The following FAM193A variants were observed in gnomAD, a reference collection of about 807,000 sequenced individuals.
FAM193A encodes the protein family with sequence similarity 193 member A.
Under a neutral mutation model 126.5 loss-of-function variants are expected in FAM193A, and 22 were observed. That is an observed-to-expected ratio of 0.17 (90% CI 0.12 to 0.25). The LOEUF (loss-of-function observed/expected upper bound fraction) is 0.25. FAM193A is among the 10% of genes least tolerant of loss of function. The pLI is 1.00. For missense variants in FAM193A, 1,675 were observed against 1,672.8 expected (o/e 1.00, Z -0.02); for synonymous variants, 761 against 646.8 (o/e 1.18, Z -2.68).
At chr4:2,613,234 T>C (rs1475830893) in intron 2 of FAM193A, among the ~76,000 whole-genome samples, 3 of 152,262 alleles carry the variant, frequency 2.0e-5, no homozygotes, top group Non-Finnish European at 2.9e-5. Flanking sequence ...GCCAGGAGTT[T>C]AAGACCAGTT....
At chr4:2,613,459 C>CT (rs1330182508) in intron 2 of FAM193A, among the ~76,000 whole-genome samples, 4,014 of 101,530 alleles carry the variant, frequency 0.04, 194 homozygotes, top group African/African-American at 0.13. Context: ...TGGTAGGTTT[C>CT]TTTTTTTTTT....
At position 2,596,200 on chromosome 4, in the gene FAM193A, T is replaced by G; in HGVS notation, c.372T>G (p.Thr124=). The change falls in exon 2 of 21, where the codon ACT becomes ACG. Residue 124 remains threonine, a synonymous_variant. Coordinates refer to ENST00000637812, the MANE Select transcript of FAM193A (RefSeq NM_001366318.2). ...DSSFLESGIK[T]ASKLALSMAP... is the part of the protein sequence containing the mutation. ...CATTCTTAGAGAGTGGAATTAAGAC[T>G]GCGAGCAAATTGGCCCTTTCCATGG... The G allele has an allele frequency of 1.4e-6, 1 of 703,008 alleles. No homozygotes were observed. 43.5% of individuals were successfully genotyped at this position (703,008 alleles called of 1,614,324 possible).
intron 15 of FAM193A, among the ~76,000 whole-genome samples, 200 bp downstream of exon 15, chr4:2,691,170 A>AT (rs1716337955): frequency 2.0e-5 from 3 of 152,198 alleles, no homozygotes; most frequent in Admixed American, 2.0e-4. Context: ...GTTGTGCTAG[A>AT]TTCCTCTGGG....
rs1206516887 is a variant in FAM193A at position 2,639,854 on chromosome 4, G to A, written c.1158G>A (p.Gln386=). The A allele has an allele frequency of 1.2e-6, 2 of 1,613,660 alleles. No individual in the cohort carries two copies. Among genetic ancestry groups the A allele is most frequent in the Non-Finnish European group, 1.7e-6 (2 of 1,179,808 alleles). ...GCAACTTGCCCGCACTGGTGTCACA[G>A]ATCAGGTATTTTGCCTTAACCCGTA... ...LQSNLPALVS[Q]IRLGTTTHDT... is the part of the protein sequence containing the mutation. Residue 386 remains glutamine, a synonymous_variant, in exon 6 of 21, where the codon CAG becomes CAA. Coordinates refer to ENST00000637812, the MANE Select transcript of FAM193A (RefSeq NM_001366318.2).
At chr4:2,589,840 A>G (rs571267000) in intron 1 of FAM193A, among the ~76,000 whole-genome samples, 1 of 152,324 alleles carries the variant, frequency 6.6e-6, no homozygotes, top group South Asian at 2.1e-4. Flanking sequence ...GGTAGCTAAT[A>G]AAAGATCATG....
chr4:2,584,841 CT>C (rs1279760672), intron 1 of FAM193A, among the ~76,000 whole-genome samples: 1 of 152,090 alleles, frequency 6.6e-6, no homozygotes, highest in African/African-American at 2.4e-5. Flanking sequence ...AGGAGAATTG[CT>C]TCAACCCAGG....
chr4:2,679,671 C>A (rs1230616007), intron 13 of FAM193A, among the ~76,000 whole-genome samples: 1 of 151,964 alleles, frequency 6.6e-6, no homozygotes, highest in Non-Finnish European at 1.5e-5. Flanking sequence ...AGCCACCGCG[C>A]CCGACCCTGT....
At chr4:2,599,066 ATGTTT>A (rs1437657053) in intron 2 of FAM193A, among the ~76,000 whole-genome samples, 2 of 152,138 alleles carry the variant, frequency 1.3e-5, no homozygotes, top group Non-Finnish European at 1.5e-5. Flanking sequence ...GGAGAAAGGC[ATGTTT>A]CCTTCCTCTC....
At chr4:2,584,998 TAA>T (rs1740156578) in intron 1 of FAM193A, among the ~76,000 whole-genome samples, 1 of 152,166 alleles carries the variant, frequency 6.6e-6, no homozygotes, top group Admixed American at 6.5e-5. Flanking sequence ...GTACCTTATA[TAA>T]ATGGAAGCAT....
At chr4:2,564,758 T>C (rs1171819403) in intron 1 of FAM193A, among the ~76,000 whole-genome samples, 1 of 152,030 alleles carries the variant, frequency 6.6e-6, no homozygotes, top group African/African-American at 2.4e-5. Context: ...TAAATGATGG[T>C]GTGGGGGTTT....
rs572019058 is a variant in FAM193A, at chr4:2,546,610, C to G, written c.255+9440C>G. ...TTGTTGCATGTATCAGTAGCTTGTT[C>G]TTTTTTACTGCTGTGTAGTATTCTG... On this transcript the variant is annotated intron_variant, in intron 1 of 20. Coordinates refer to ENST00000637812, the MANE Select transcript of FAM193A (RefSeq NM_001366318.2). Among the ~76,000 whole-genome samples, 12 of 152,204 alleles carry G rather than the reference C, an allele frequency of 7.9e-5. No homozygotes were observed. The South Asian group carries it at 2.5e-3, about 32-fold the overall frequency.
intron 4 of FAM193A, among the ~76,000 whole-genome samples, 166 bp from the exon 5 acceptor site, chr4:2,630,769 C>T (rs933537513): frequency 6.6e-6 from 1 of 152,224 alleles, no homozygotes; most frequent in Non-Finnish European, 1.5e-5. Context: ...ATTCCCCATC[C>T]ATTAGGTGGG....
In FAM193A at chr4:2,624,440, G is replaced by A. The variant is rs147162190; in HGVS notation, c.502-822G>A. ...ATTATAGGCGTGAGCCACTGCCCCC[G>A]GCCAAGTGTTCTCTTTCTTAAGCCT... On this transcript the variant is annotated intron_variant, in intron 2 of 20. Coordinates refer to ENST00000637812, the MANE Select transcript of FAM193A (RefSeq NM_001366318.2). Among the ~76,000 whole-genome samples the A allele has an allele frequency of 1.6e-3, 239 of 152,262 alleles. 2 individuals are homozygous for A. The highest frequency in any genetic ancestry group is 5.4e-3 in the African/African-American group (225 of 41,556).
At chr4:2,684,221 T>C (rs987709085) in intron 13 of FAM193A, among the ~76,000 whole-genome samples, 2 of 152,144 alleles carry the variant, frequency 1.3e-5, no homozygotes, top group African/African-American at 4.8e-5. Flanking sequence ...TTCCTAACAC[T>C]CTCTTGCATG....
At chr4:2,593,928 A>G (rs1239076553) in intron 1 of FAM193A, among the ~76,000 whole-genome samples, 1 of 151,160 alleles carries the variant, frequency 6.6e-6, no homozygotes, top group East Asian at 1.9e-4. Context: ...GGAAAAATAC[A>G]TGGATTCTCA....
chr4:2,557,211 C>T (rs767467011), intron 1 of FAM193A, among the ~76,000 whole-genome samples: 12 of 152,148 alleles, frequency 7.9e-5, no homozygotes, highest in Non-Finnish European at 1.5e-4. Flanking sequence ...TGGTATCTCT[C>T]TCTCAGAATA....
intron 1 of FAM193A, among the ~76,000 whole-genome samples, chr4:2,563,627 A>G (rs1460629050): frequency 6.6e-6 from 1 of 152,196 alleles, no homozygotes; most frequent in African/African-American, 2.4e-5. Flanking sequence ...AACAACAAGG[A>G]CATTTATGGC....
Position 2,696,434 on chromosome 4 carries a change from G to A in FAM193A, c.3348G>A (p.Arg1116=), listed in dbSNP as rs779508875. Residue 1116 remains arginine (R), a synonymous_variant, in exon 18 of 21, where the codon AGG becomes AGA. Transcript: ENST00000637812. ...AGCTTCGCTTACGGCTGACCAAGAG[G>A]AAAGAGGAGCAACCTAAAAAAATGG... ...REKLRLRLTK[R]KEEQPKKMDQ... The A allele has an allele frequency of 4.5e-5, 72 of 1,614,230 alleles. No individual in the cohort carries two copies. Among genetic ancestry groups the A allele is most frequent in the Non-Finnish European group, 6.0e-5 (71 of 1,180,038 alleles).
At chr4:2,596,445 C>T (rs760703036) in intron 2 of FAM193A, 116 bp downstream of exon 2, 2 of 631,910 alleles carry the variant, frequency 3.2e-6, no homozygotes, top group South Asian at 3.6e-5. Flanking sequence ...CTCCCTCCTG[C>T]ACCACCTTCT....
Sources: allele counts gnomAD v4.1 joint callset (sites outside exome capture counted in the v4.1 genomes callset), GRCh38; gene constraint gnomAD v4.1.1; transcripts MANE v1.5; gene names NCBI Gene and HGNC (gene_info 2026-07-23, HGNC 2026-07-21).